WSCD2: variants seen among roughly 807,000 people sequenced by gnomAD.
WSCD2 encodes WSC domain sialate O sulfotransferase 2, also known as sialate:O-sulfotransferase 2.
Under a neutral mutation model 55.7 loss-of-function variants are expected in WSCD2, and 28 were observed. The observed-to-expected ratio is 0.50, with a 90% CI of 0.37 to 0.69. The LOEUF (loss-of-function observed/expected upper bound fraction) is 0.69, where lower values mean the gene tolerates loss of function less well. Ranked by LOEUF, WSCD2 falls within the 30% of genes least tolerant of loss-of-function variation. WSCD2 has a pLI of 0.00. For missense variants in WSCD2, 616 were observed against 762.1 expected (o/e 0.81, Z 2.26); for synonymous variants, 301 against 301.9 (o/e 1.00, Z 0.03).
At chr12:108,164,651 T>C (rs550782448) in intron 1 of WSCD2, among the ~76,000 whole-genome samples, 1 of 152,280 alleles carries the variant, frequency 6.6e-6, no homozygotes, top group East Asian at 1.9e-4. Context: ...AGGAGTGGAA[T>C]TGCAGGGTCC....
At chr12:108,186,530 C>T (rs774328206) in intron 1 of WSCD2, among the ~76,000 whole-genome samples, 3 of 152,252 alleles carry the variant, frequency 2.0e-5, no homozygotes, top group Non-Finnish European at 2.9e-5. Context: ...CTCTAGCCCT[C>T]AGCAACCACT....
intron 2 of WSCD2, among the ~76,000 whole-genome samples, chr12:108,198,213 G>A (rs188463094): frequency 6.6e-6 from 1 of 152,134 alleles, no homozygotes; most frequent in East Asian, 1.9e-4. Flanking sequence ...TGTCCTGCCT[G>A]TCTGTGTTCT....
chr12:108,198,997 C>T (rs1460060901), intron 2 of WSCD2, among the ~76,000 whole-genome samples: 1 of 152,144 alleles, frequency 6.6e-6, no homozygotes, highest in African/African-American at 2.4e-5. Flanking sequence ...GCCACCTGCA[C>T]CCCCACCATG....
chr12:108,129,457 G>C lies in WSCD2; in HGVS notation c.-1021G>C, dbSNP rs928723255. On this transcript the variant is annotated 5_prime_UTR_variant, in exon 1 of 9. Coordinates refer to ENST00000547525, the MANE Select transcript of WSCD2 (RefSeq NM_014653.4). ...GCAGCCGGTGCCCTGCGCGCACCGG[G>C]CCCGGGCATCTCCATCCCCGGGGCG... The C allele has an allele frequency of 6.6e-6, 1 of 151,484 alleles. No homozygotes were observed. The highest frequency in any genetic ancestry group is 2.4e-5 in the African/African-American group (1 of 41,332). 9.4% of individuals were successfully genotyped at this position (151,484 alleles called of 1,614,324 possible).
chr12:108,148,298 G>A (rs1025424537), intron 1 of WSCD2, among the ~76,000 whole-genome samples: 5 of 152,318 alleles, frequency 3.3e-5, no homozygotes, highest in African/African-American at 1.2e-4. Context: ...ACCCCCATTT[G>A]AAAACCGCTG....
intron 1 of WSCD2, among the ~76,000 whole-genome samples, chr12:108,160,363 G>A (rs1302591210): frequency 2.0e-5 from 3 of 152,152 alleles, no homozygotes; most frequent in Non-Finnish European, 4.4e-5. Context: ...CCTGAGACTG[G>A]GTAATTTATA....
rs75470833 is a variant in WSCD2 at position 108,168,197 on chromosome 12, G to A, written c.-551-27085G>A. On this transcript the variant is annotated intron_variant, in intron 1 of 8. Coordinates refer to ENST00000547525, the MANE Select transcript of WSCD2 (RefSeq NM_014653.4). ...GAAGCCGTAGCTATTTTGGGCTCCTGCTGAGCCCTGGTTTAGCTTAGCTGG... is the reference window on the plus strand; with the variant it reads ...GAAGCCGTAGCTATTTTGGGCTCCTACTGAGCCCTGGTTTAGCTTAGCTGG... 4.2e-3 allele frequency among the ~76,000 whole-genome samples: 644 copies of A among 152,314 alleles called. 2 individuals carry two copies. The highest frequency in any genetic ancestry group is 6.0e-3 in the South Asian group (29 of 4,826).
intron 4 of WSCD2, among the ~76,000 whole-genome samples, chr12:108,223,997 A>C (rs1177431288): frequency 6.6e-6 from 1 of 152,230 alleles, no homozygotes; most frequent in Non-Finnish European, 1.5e-5. Flanking sequence ...CTCTGAGAGC[A>C]CACCTTCAAT....
rs114692288 is a variant in WSCD2 at position 108,186,312 on chromosome 12, G to A, written c.-551-8970G>A. ...CAGCCTCCCCCTCCATCAACATCCC[G>A]CACCAGAGTGGTCCCTTTGTTACAG... is the stretch of plus-strand genomic sequence containing the variant. On this transcript the variant is annotated intron_variant, in intron 1 of 8. Transcript: ENST00000547525. Among the ~76,000 whole-genome samples, 1,015 of 152,094 alleles carry A rather than the reference G, an allele frequency of 6.7e-3. 21 individuals are homozygous for A. The highest frequency in any genetic ancestry group is 0.023 in the African/African-American group (973 of 41,466).
intron 1 of WSCD2, among the ~76,000 whole-genome samples, chr12:108,130,502 GTGTGTGTGTGTGTGTGTGTA>G (rs1387170750): frequency 6.6e-6 from 1 of 150,426 alleles, no homozygotes; most frequent in Non-Finnish European, 1.5e-5. Context: ...GTGTGTGTGT[GTGTGTGTGTGTGTGTGTGTA>G]AAGAGAGAGA....
At position 108,210,505 on chromosome 12, in the gene WSCD2, C is replaced by A. The variant is rs1349961721; in HGVS notation, c.682+200C>A. On this transcript the variant is annotated intron_variant, in intron 4 of 8. Transcript: ENST00000547525. The surrounding 1 kb of genome is among the most constrained non-coding windows in gnomAD (Gnocchi z 4.3). The stretch of plus-strand genomic sequence containing the variant: ...GCTCCTTTGAATGGTCCTGCATGCG[C>A]TTTTCTCTCCCTCCCACTGAGCTGC... 1.3e-5 allele frequency among the ~76,000 whole-genome samples: 2 copies of A among 152,192 alleles called. No homozygotes were observed. Among genetic ancestry groups the A allele is most frequent in the African/African-American group, 4.8e-5 (2 of 41,440 alleles).
At chr12:108,204,510 G>T (rs1258342270) in intron 2 of WSCD2, among the ~76,000 whole-genome samples, 2 of 152,190 alleles carry the variant, frequency 1.3e-5, no homozygotes, top group Admixed American at 1.3e-4. Flanking sequence ...GCCACAAAGT[G>T]CTTTCTCCCA....
intron 1 of WSCD2, among the ~76,000 whole-genome samples, chr12:108,185,441 C>T (rs760220996): frequency 1.3e-5 from 2 of 152,150 alleles, no homozygotes; most frequent in African/African-American, 2.4e-5. Flanking sequence ...TGACTGTCTC[C>T]TTGTCATTTT....
chr12:108,240,340 G>A lies in WSCD2; in HGVS notation c.1145-4G>A, dbSNP rs755627361. On this transcript the variant is annotated splice_polypyrimidine_tract_variant and splice_region_variant and intron_variant, in intron 7 of 8. Transcript: ENST00000547525. ...TCCTGTTCCTCACCTCTGGCTGCGG[G>A]AAGGGTTTAAAGGTGAGCGGGACCA... 5 of 1,613,816 alleles carry A rather than the reference G, an allele frequency of 3.1e-6. No homozygotes were observed. The highest frequency in any genetic ancestry group is 4.2e-6 in the Non-Finnish European group (5 of 1,180,032).
chr12:108,171,224 G>A (rs1434574158), intron 1 of WSCD2, among the ~76,000 whole-genome samples: 2 of 152,168 alleles, frequency 1.3e-5, no homozygotes, highest in Admixed American at 6.5e-5. Flanking sequence ...AAAAATCCAC[G>A]ATCACCATCT....
intron 1 of WSCD2, among the ~76,000 whole-genome samples, chr12:108,142,795 TTC>T (rs749291192): frequency 1.3e-4 from 19 of 151,382 alleles, no homozygotes; most frequent in African/African-American, 2.2e-4. Flanking sequence ...TTCTCCTTCC[TTC>T]TCTCTCTCTC....
chr12:108,212,559 CCTCT>C (rs1413118366), intron 4 of WSCD2, among the ~76,000 whole-genome samples: 9 of 151,296 alleles, frequency 5.9e-5, no homozygotes, highest in East Asian at 5.8e-4. Context: ...CACCTTCCTC[CCTCT>C]CTCTTCCGCT....
rs1470811855 is a variant in WSCD2, at chr12:108,141,729, C to A, written c.-552+11803C>A. ...AGTTTCTTTTACTAGGTAAATGTCT[C>A]ATAGTCACAGGTTCCTGCTTTTGGG... On this transcript the variant is annotated intron_variant, in intron 1 of 8. Coordinates refer to ENST00000547525, the MANE Select transcript of WSCD2 (RefSeq NM_014653.4). Among the ~76,000 whole-genome samples, 5 of 152,290 alleles carry A rather than the reference C, an allele frequency of 3.3e-5. No homozygotes were observed. The East Asian group carries it at 9.6e-4, about 29-fold the overall frequency.
chr12:108,141,056 C>T (rs1050135185), intron 1 of WSCD2, among the ~76,000 whole-genome samples: 1 of 152,078 alleles, frequency 6.6e-6, no homozygotes, highest in African/African-American at 2.4e-5. Context: ...TCTTTCTTTA[C>T]TTGTTTCTTT....
Sources: allele counts gnomAD v4.1 joint callset (sites outside exome capture counted in the v4.1 genomes callset), GRCh38; gene constraint gnomAD v4.1.1; non-coding constraint Gnocchi (gnomAD v3.1); transcripts MANE v1.5; gene names NCBI Gene and HGNC (gene_info 2026-07-23, HGNC 2026-07-21).